The following SMUG1 variants were observed in gnomAD, a reference collection of about 807,000 sequenced individuals.
SMUG1 encodes single-strand selective monofunctional uracil DNA glycosylase.
In SMUG1, 13 loss-of-function variants were observed where a neutral mutation model predicts 23.9. The ratio of observed to expected loss-of-function variants is 0.54; its 90% CI spans 0.35 to 0.86. SMUG1 has a LOEUF of 0.86. SMUG1 is among the 40% of genes least tolerant of loss of function. The pLI, the probability that SMUG1 is intolerant of heterozygous loss-of-function variation, is 0.01. For missense variants in SMUG1, 313 were observed against 339.5 expected, an observed-to-expected ratio of 0.92 and a Z score of 0.61; for synonymous variants, 133 against 139.8, an observed-to-expected ratio of 0.95 and a Z score of 0.34.
At chr12:54,170,940 A>G (rs187868212) in intron 3 of SMUG1, among the ~76,000 whole-genome samples, 268 of 149,648 alleles carry the variant, frequency 1.8e-3, no homozygotes, top group African/African-American at 6.3e-3. Flanking sequence ...CACCTCTACA[A>G]CTTCTAAATA....
intron 3 of SMUG1, among the ~76,000 whole-genome samples, chr12:54,167,018 G>C (rs1460444284): frequency 1.3e-5 from 2 of 152,212 alleles, no homozygotes; most frequent in African/African-American, 2.4e-5. Context: ...AAGCCTCCAA[G>C]CATCTGGCAT....
At position 54,182,152 on chromosome 12, in the gene SMUG1, C is replaced by A; in HGVS notation, c.757G>T (p.Ala253Ser). The A allele has an allele frequency of 6.3e-7, 1 of 1,585,316 alleles. No individual in the cohort carries two copies. The highest frequency in any genetic ancestry group is 1.2e-5 in the South Asian group (1 of 86,894). ...TCATTCAATCTTTCCTTGGCCACTGCCTCCCAGCCCTTGTTGGCCTGTGGG... is the reference window on the plus strand; with the variant it reads ...TCATTCAATCTTTCCTTGGCCACTGACTCCCAGCCCTTGTTGGCCTGTGGG... The part of the protein sequence containing the change: ...RNPQANKGWE[A>S]VAKERLNELG... Residue 253 changes from alanine (A) to serine (S), a missense_variant, in exon 4 of 4, where the codon GCA (alanine) becomes TCA (serine). Transcript: ENST00000682136.
intron 2 of SMUG1, among the ~76,000 whole-genome samples, chr12:54,186,275 T>A (rs1198994465): frequency 6.6e-6 from 1 of 151,956 alleles, no homozygotes; most frequent in African/African-American, 2.4e-5. Context: ...TGCCATAGTG[T>A]CCCAACCCCA....
chr12:54,159,269 C>T (rs549109057), intron 4 of SMUG1, among the ~76,000 whole-genome samples: 2 of 152,294 alleles, frequency 1.3e-5, no homozygotes, highest in South Asian at 2.1e-4. Context: ...GCAGTCCGTC[C>T]CCCAACAGGT....
chr12:54,186,286 C>G (rs1184789769), intron 2 of SMUG1, among the ~76,000 whole-genome samples: 4 of 152,106 alleles, frequency 2.6e-5, no homozygotes, highest in Non-Finnish European at 4.4e-5. Context: ...CCCAACCCCA[C>G]CCCCAACACA....
downstream of SMUG1, among the ~76,000 whole-genome samples, chr12:54,178,499 G>A (rs534339094): frequency 3.3e-5 from 5 of 152,128 alleles, no homozygotes; most frequent in African/African-American, 1.2e-4. Context: ...GCCCCTAGAT[G>A]TCCTCCCTAT....
intron 3 of SMUG1, 88 bp downstream of exon 3, chr12:54,183,568 A>G: frequency 7.3e-7 from 1 of 1,369,508 alleles, no homozygotes; most frequent in Non-Finnish European, 1.0e-6. Context: ...GTCTACAGCC[A>G]TGCACATGCT....
chr12:54,170,999 CTTT>C (rs200562796), intron 3 of SMUG1, among the ~76,000 whole-genome samples: 1 of 142,412 alleles, frequency 7.0e-6, no homozygotes, highest in African/African-American at 2.6e-5. Context: ...TTCTTTCTTT[CTTT>C]TTTTTTTTTT....
intron 3 of SMUG1, chr12:54,171,977 A>T (rs551074436): frequency 1.4e-5 from 6 of 422,526 alleles, no homozygotes; most frequent in Middle Eastern, 3.4e-4. Context: ...ACCACTCCTC[A>T]TCACCTCTGC....
At chr12:54,185,715 G>A (rs558230102) in intron 2 of SMUG1, among the ~76,000 whole-genome samples, 3 of 151,766 alleles carry the variant, frequency 2.0e-5, no homozygotes, top group Non-Finnish European at 4.4e-5. Flanking sequence ...GGAGGCTGAG[G>A]CAGGAGAATT....
downstream of SMUG1, among the ~76,000 whole-genome samples, chr12:54,163,571 C>T (rs1592336479): frequency 6.6e-6 from 1 of 152,100 alleles, no homozygotes; most frequent in East Asian, 1.9e-4. Flanking sequence ...TTGGAGGAAG[C>T]TGGGGGCGCC....
chr12:54,178,164 ACGGGCTCCAG>A, downstream of SMUG1, among the ~76,000 whole-genome samples: 1 of 152,310 alleles, frequency 6.6e-6, no homozygotes, highest in Non-Finnish European at 1.5e-5. Context: ...CCTGGACTTA[ACGGGCTCCAG>A]AAGTGTCAGA....
chr12:54,177,764 T>C (rs1940792741), downstream of SMUG1, among the ~76,000 whole-genome samples: 1 of 152,062 alleles, frequency 6.6e-6, no homozygotes. Context: ...CTAAGTCTGA[T>C]CAGCTACCTA....
Position 54,183,737 on chromosome 12 carries a change from G to A in SMUG1, c.204C>T (p.Tyr68=), listed in dbSNP as rs188545749. 4.7e-5 allele frequency: 76 copies of A among 1,614,092 alleles called. No individual in the cohort carries two copies. The East Asian group carries it at 1.0e-3, about 22-fold the overall frequency. ...VEYAWEPHRN[Y]VTRYCQGPKE... Reference sequence around the variant, plus strand: ...TGGGGCCCTGGCAGTAGCGAGTCACGTAGTTGCGATGTGGCTCCCATGCAT... The same window carrying A: ...TGGGGCCCTGGCAGTAGCGAGTCACATAGTTGCGATGTGGCTCCCATGCAT... The change falls in exon 3 of 4, where the codon TAC becomes TAT. Residue 68 remains tyrosine, a synonymous_variant. Coordinates refer to ENST00000682136, the MANE Select transcript of SMUG1 (RefSeq NM_001243787.2).
downstream of SMUG1, among the ~76,000 whole-genome samples, chr12:54,164,062 G>A (rs940946744): frequency 5.3e-5 from 8 of 152,044 alleles, no homozygotes; most frequent in Non-Finnish European, 4.4e-5. Context: ...GAGGCAGAAG[G>A]GGTTAGTAAG....
chr12:54,181,935 G>A lies in SMUG1; in HGVS notation c.*161C>T, dbSNP rs953311044. 2.0e-6 allele frequency: 3 copies of A among 1,467,394 alleles called. No homozygotes were observed. Among genetic ancestry groups the A allele is most frequent in the African/African-American group, 1.4e-5 (1 of 70,744 alleles). The allele number at this position is 1,467,394 out of a possible 1,614,324, so 90.9% of individuals were successfully genotyped here. Reference sequence around the variant, plus strand: ...ACAGGAGTAGTGTCAAAACTGCCATGGCAGGTTGGAAGACAGTTCAACAGA... The same window carrying A: ...ACAGGAGTAGTGTCAAAACTGCCATAGCAGGTTGGAAGACAGTTCAACAGA... On this transcript the variant is annotated 3_prime_UTR_variant, in exon 4 of 4. Coordinates refer to ENST00000682136, the MANE Select transcript of SMUG1 (RefSeq NM_001243787.2).
At chr12:54,182,770 C>G in intron 3 of SMUG1, 147 bp from the exon 4 acceptor site, 3 of 1,420,400 alleles carry the variant, frequency 2.1e-6, no homozygotes, top group Non-Finnish European at 2.8e-6. Flanking sequence ...GACAAGGATT[C>G]TTGGCCCTAT....
At chr12:54,183,299 A>C in intron 3 of SMUG1, 1 of 416,086 alleles carries the variant, frequency 2.4e-6, no homozygotes, top group African/African-American at 2.0e-5. Context: ...CCTGTCAACC[A>C]GTCTCTTCTG....
downstream of SMUG1, among the ~76,000 whole-genome samples, chr12:54,162,955 G>A (rs1190588816): frequency 2.0e-5 from 3 of 152,170 alleles, no homozygotes; most frequent in Non-Finnish European, 4.4e-5. Flanking sequence ...CAGCTGCTGC[G>A]ATGGGCCGGA....
Sources: allele counts gnomAD v4.1 joint callset (sites outside exome capture counted in the v4.1 genomes callset), GRCh38; gene constraint gnomAD v4.1.1; transcripts MANE v1.5; gene names NCBI Gene and HGNC (gene_info 2026-07-23, HGNC 2026-07-21).